PLEKHA8: variants seen among roughly 807,000 people sequenced by gnomAD.
The protein encoded by PLEKHA8 is pleckstrin homology domain containing A8.
A neutral mutation model predicts 68.2 loss-of-function variants in PLEKHA8; 36 were observed. The ratio of observed to expected loss-of-function variants is 0.53; its 90% CI spans 0.40 to 0.70. The LOEUF (loss-of-function observed/expected upper bound fraction) is 0.70. Ranked by LOEUF, PLEKHA8 falls within the 30% of genes least tolerant of loss-of-function variation. The pLI is 0.00. For missense variants in PLEKHA8, 505 were observed against 615.4 expected, an observed-to-expected ratio of 0.82 and a Z score of 1.90; for synonymous variants, 211 against 216.1, an observed-to-expected ratio of 0.98 and a Z score of 0.20.
chr7:30,056,801 T>G (rs1413441919), intron 9 of PLEKHA8, among the ~76,000 whole-genome samples: 1 of 145,126 alleles, frequency 6.9e-6, no homozygotes, highest in African/African-American at 2.5e-5. Flanking sequence ...ATATATGTTA[T>G]GTGTATATAT....
chr7:30,116,793 G>T (rs922492704), intron 13 of PLEKHA8, among the ~76,000 whole-genome samples: 2 of 152,146 alleles, frequency 1.3e-5, no homozygotes, highest in Admixed American at 6.5e-5. Context: ...AGCAAAACCT[G>T]GAATGTCTGA....
chr7:30,082,357 GAGC>G lies in PLEKHA8; in HGVS notation c.*3574_*3576del. 1.0e-6 allele frequency: 1 copy of G among 985,364 alleles called. No individual in the cohort carries two copies. Among genetic ancestry groups the G allele is most frequent in the Non-Finnish European group, 1.2e-6 (1 of 829,940 alleles). The allele number at this position is 985,364 out of a possible 1,614,324, so 61.0% of individuals were successfully genotyped here. The stretch of plus-strand genomic sequence containing the variant: ...ATGTTTGTTCTGCCCCATTTCCCAG[GAGC>G]AGCTTCTAGCACATATGTAGAGTAT... On this transcript the variant is annotated 3_prime_UTR_variant, in exon 14 of 14. Transcript: ENST00000449726.
At chr7:30,075,626 G>A (rs1313295660) in intron 13 of PLEKHA8, among the ~76,000 whole-genome samples, 14 of 152,110 alleles carry the variant, frequency 9.2e-5, no homozygotes, top group Admixed American at 9.2e-4. Context: ...CTTAGGCAAT[G>A]GATGCTCACT....
At chr7:30,106,348 G>A (rs1446732882) in intron 13 of PLEKHA8, among the ~76,000 whole-genome samples, 1 of 152,172 alleles carries the variant, frequency 6.6e-6, no homozygotes, top group African/African-American at 2.4e-5. Context: ...ATAGACATGA[G>A]CCACCATGCC....
chr7:30,116,368 AAT>A (rs368717779), intron 13 of PLEKHA8, among the ~76,000 whole-genome samples: 259 of 151,972 alleles, frequency 1.7e-3, no homozygotes, highest in African/African-American at 6.0e-3. Flanking sequence ...TTCATGTGTG[AAT>A]ATCTGTTTAC....
intron 12 of PLEKHA8, among the ~76,000 whole-genome samples, chr7:30,073,538 T>G (rs1356366015): frequency 1.6e-5 from 2 of 127,842 alleles, no homozygotes; most frequent in East Asian, 4.5e-4. Flanking sequence ...TGACCCAGAG[T>G]AAGAGTGGAA....
intron 13 of PLEKHA8, chr7:30,115,978 A>ATG (rs1453254155): frequency 1.4e-5 from 2 of 139,756 alleles, no homozygotes; most frequent in African/African-American, 5.1e-5. Context: ...ATGTGCATGC[A>ATG]TGCATGTATG....
Position 30,033,830 on chromosome 7 carries a change from C to A in PLEKHA8, c.40+5028C>A, listed in dbSNP as rs140677230. On this transcript the variant is annotated intron_variant, in intron 1 of 13. Coordinates refer to ENST00000449726, the MANE Select transcript of PLEKHA8 (RefSeq NM_001197026.2). ...CAACCTCATTATCGTCTTAGTATAG[C>A]TATCCTAGTAGTGGATGTGAAATGA... Among the ~76,000 whole-genome samples, 86 of 152,186 alleles carry A rather than the reference C, an allele frequency of 5.7e-4. 2 individuals carry two copies. Among genetic ancestry groups the A allele is most frequent in the African/African-American group, 2.0e-3 (81 of 41,532 alleles).
In PLEKHA8 at chr7:30,066,427, T is replaced by G. The variant is rs193232961; in HGVS notation, c.1300+3685T>G. Among the ~76,000 whole-genome samples the G allele has an allele frequency of 3.9e-5, 6 of 152,298 alleles. No individual in the cohort carries two copies. The East Asian group carries it at 1.2e-3, about 29-fold the overall frequency. On this transcript the variant is annotated intron_variant, in intron 12 of 13. Transcript: ENST00000449726. The stretch of plus-strand genomic sequence containing the variant: ...GGAGCCTTAGACTTTACACTGCCCC[T>G]TTTTGCACTTGAGCCATCACTTGGC...
At chr7:30,067,993 A>G (rs560517704) in intron 12 of PLEKHA8, among the ~76,000 whole-genome samples, 92 of 152,236 alleles carry the variant, frequency 6.0e-4, no homozygotes, top group Non-Finnish European at 1.2e-3. Context: ...CACACCAGAA[A>G]AAGGAGGAGG....
In PLEKHA8 at chr7:30,028,725, G is replaced by A; in HGVS notation, c.-38G>A. The A allele has an allele frequency of 5.6e-6, 7 of 1,242,178 alleles. No individual in the cohort carries two copies. The highest frequency in any genetic ancestry group is 7.1e-6 in the Non-Finnish European group (7 of 983,542). 76.9% of individuals were successfully genotyped at this position (1,242,178 alleles called of 1,614,324 possible). A position where few individuals can be genotyped will look rare whatever the true frequency, so the allele number is the denominator to read the frequency against. ...CGCCTCTTGGGGCCTGGGGCAGTGA[G>A]GGGGCCGGCGGGCGTGGGCCGAGTG... is the stretch of plus-strand genomic sequence containing the variant. On this transcript the variant is annotated 5_prime_UTR_variant, in exon 1 of 14. Transcript: ENST00000449726.
rs370753750 is a variant in PLEKHA8 at position 30,063,790 on chromosome 7, G to T, written c.1300+1048G>T. Among the ~76,000 whole-genome samples, 23 of 152,344 alleles carry T rather than the reference G, an allele frequency of 1.5e-4. No individual in the cohort carries two copies. In the East Asian group the frequency reaches 2.1e-3, roughly 14 times the overall value. The stretch of plus-strand genomic sequence containing the variant: ...ATCCATTTTTACAGGTTAGGGAACT[G>T]TAAGATTAAAATATTGCTTAAGACC... On this transcript the variant is annotated intron_variant, in intron 12 of 13. Transcript: ENST00000449726.
chr7:30,028,445 C>T lies in PLEKHA8; in HGVS notation c.-318C>T, dbSNP rs1032469798. The T allele has an allele frequency of 4.5e-5, 13 of 291,422 alleles. No individual in the cohort carries two copies. The highest frequency in any genetic ancestry group is 8.3e-5 in the Non-Finnish European group (13 of 157,518). The allele number at this position is 291,422 out of a possible 1,614,324, so 18.1% of individuals were successfully genotyped here. Reference sequence around the variant, plus strand: ...GTGGCGCCGCCTGCGACCGGCAGCTCGTTCGCCGCACTTTGGAGGCTTCGG... The same window carrying T: ...GTGGCGCCGCCTGCGACCGGCAGCTTGTTCGCCGCACTTTGGAGGCTTCGG... On this transcript the variant is annotated 5_prime_UTR_variant, in exon 1 of 14. Coordinates refer to ENST00000449726, the MANE Select transcript of PLEKHA8 (RefSeq NM_001197026.2).
intron 13 of PLEKHA8, among the ~76,000 whole-genome samples, chr7:30,120,041 AAC>A (rs1275946775): frequency 6.6e-6 from 1 of 152,176 alleles, no homozygotes; most frequent in Non-Finnish European, 1.5e-5. Context: ...TCTGAGAGCA[AAC>A]AGTCTTCTCT....
intron 12 of PLEKHA8, among the ~76,000 whole-genome samples, chr7:30,063,495 A>G (rs141906509): frequency 6.6e-6 from 1 of 152,216 alleles, no homozygotes; most frequent in African/African-American, 2.4e-5. Flanking sequence ...GTGTGTGGAG[A>G]AAAAAATGAA....
chr7:30,115,332 A>G (rs369907508), intron 13 of PLEKHA8, among the ~76,000 whole-genome samples: 5 of 152,302 alleles, frequency 3.3e-5, no homozygotes, highest in East Asian at 3.9e-4. Flanking sequence ...GGACATCCAT[A>G]GAAGTGTTAG....
chr7:30,074,868 T>TGAGACTC (rs1237773792), intron 13 of PLEKHA8, among the ~76,000 whole-genome samples: 1 of 152,232 alleles, frequency 6.6e-6, no homozygotes, highest in Non-Finnish European at 1.5e-5. Context: ...AACACAAACC[T>TGAGACTC]GAGACTCTTA....
chr7:30,129,283 T>C (rs754822990), exon 14 of PLEKHA8: 23 of 1,612,550 alleles, frequency 1.4e-5, no homozygotes, highest in Non-Finnish European at 1.8e-5. Context: ...AATGTGGGTG[T>C]AGACGGAACT....
rs775381814 is a variant in PLEKHA8 at position 30,049,390 on chromosome 7, T to C, written c.597+8T>C. 2.4e-5 allele frequency: 39 copies of C among 1,611,714 alleles called. No individual in the cohort carries two copies. Among genetic ancestry groups the C allele is most frequent in the Non-Finnish European group, 3.1e-5 (37 of 1,178,444 alleles). On this transcript the variant is annotated splice_region_variant and intron_variant, in intron 5 of 13. Coordinates refer to ENST00000449726, the MANE Select transcript of PLEKHA8 (RefSeq NM_001197026.2). ...ATGCTCAAGTCCAGCAAGGTAAAAG[T>C]CCAGCTCAGTTTGGCTGCAACAAGG...
Sources: gnomAD v4.1 joint callset for allele counts (sites outside exome capture counted in the v4.1 genomes callset) on GRCh38, gnomAD v4.1.1 for gene constraint, MANE v1.5 for transcripts, NCBI Gene and HGNC (gene_info 2026-07-23, HGNC 2026-07-21) for gene names.